Variants in CDH4 observed in about 807,000 individuals in gnomAD.
CDH4 encodes the protein cadherin-4.
In CDH4, 33 loss-of-function variants were observed where a neutral mutation model predicts 86.0. That is an observed-to-expected ratio of 0.38 (90% CI 0.29 to 0.51). The LOEUF is 0.51. Ranked by LOEUF, CDH4 falls within the 20% of genes least tolerant of loss-of-function variation. CDH4 has a pLI of 0.86. For synonymous variants in CDH4, 555 were observed against 549.4 expected, an observed-to-expected ratio of 1.01 and a Z score of -0.14; for missense variants, 1,114 against 1,307.4, an observed-to-expected ratio of 0.85 and a Z score of 2.28.
chr20:61,327,779 C>T (rs1450834965), intron 2 of CDH4, among the ~76,000 whole-genome samples: 2 of 152,176 alleles, frequency 1.3e-5, no homozygotes, highest in African/African-American at 4.8e-5. Context: ...GGGGTCTTCA[C>T]TGCAGGGCTA....
intron 5 of CDH4, among the ~76,000 whole-genome samples, chr20:61,846,648 G>A (rs1013724222): frequency 5.3e-5 from 8 of 152,144 alleles, no homozygotes; most frequent in East Asian, 1.9e-4. Flanking sequence ...GAGACTGACC[G>A]TGAGAAACAG....
Position 61,708,255 on chromosome 20 carries a change from G to A in CDH4, c.170-35308G>A, listed in dbSNP as rs993445541. ...CTGAGTGTAGCGTGGCCAGCAGGGG[G>A]TTGACTTTTACCCCGAACCAGATGT... is the stretch of plus-strand genomic sequence containing the variant. On this transcript the variant is annotated intron_variant, in intron 2 of 15. Transcript: ENST00000614565. This position sits in a 1 kb window ranked among gnomAD's most constrained non-coding sequence, Gnocchi z 4.5. 3.3e-5 allele frequency among the ~76,000 whole-genome samples: 5 copies of A among 152,136 alleles called. No homozygotes were observed. Among genetic ancestry groups the A allele is most frequent in the African/African-American group, 2.4e-5 (1 of 41,442 alleles).
chr20:61,731,282 C>T (rs777737393), intron 2 of CDH4, among the ~76,000 whole-genome samples: 17 of 152,218 alleles, frequency 1.1e-4, no homozygotes, highest in East Asian at 1.9e-4. Flanking sequence ...CCTCACCCCT[C>T]GGCCCCCCGG....
At chr20:61,282,343 C>T (rs113444794) in intron 2 of CDH4, among the ~76,000 whole-genome samples, 184 of 152,240 alleles carry the variant, frequency 1.2e-3, no homozygotes, top group African/African-American at 4.2e-3. Context: ...TGGGAGACAG[C>T]GTCAGACTCA....
chr20:61,265,030 C>T (rs1468973824), intron 2 of CDH4, among the ~76,000 whole-genome samples: 1 of 150,044 alleles, frequency 6.7e-6, no homozygotes, highest in Non-Finnish European at 1.5e-5. Flanking sequence ...CCCAGTGGCT[C>T]CTTCATTCAG....
At chr20:61,833,752 A>G (rs1981734508) in intron 4 of CDH4, among the ~76,000 whole-genome samples, 1 of 152,184 alleles carries the variant, frequency 6.6e-6, no homozygotes, top group African/African-American at 2.4e-5. Context: ...CTCGGCCATC[A>G]GCATCGAATT....
At chr20:61,436,204 A>C (rs1395686360) in intron 2 of CDH4, among the ~76,000 whole-genome samples, 1 of 152,096 alleles carries the variant, frequency 6.6e-6, no homozygotes, top group Admixed American at 6.5e-5. Context: ...TCTCTTAAGC[A>C]CCATCATGAT....
intron 4 of CDH4, among the ~76,000 whole-genome samples, chr20:61,778,430 T>A (rs1978362464): frequency 6.6e-6 from 1 of 152,130 alleles, no homozygotes; most frequent in Non-Finnish European, 1.5e-5. Flanking sequence ...ATTACAGGCT[T>A]TTTCCTTGGA....
At chr20:61,523,330 G>A (rs1029142730) in intron 2 of CDH4, among the ~76,000 whole-genome samples, 12 of 152,220 alleles carry the variant, frequency 7.9e-5, no homozygotes, top group East Asian at 1.9e-4. Flanking sequence ...TCTGCTCGCC[G>A]GTCTCTGCTC....
intron 2 of CDH4, among the ~76,000 whole-genome samples, chr20:61,566,835 T>TCCTCGGGGAGTTCTGG (rs1168644758): frequency 1.3e-5 from 2 of 151,748 alleles, no homozygotes; most frequent in African/African-American, 4.8e-5. Context: ...GGGCTGCGCC[T>TCCTCGGGGAGTTCTGG]CCTCGGGGAG....
rs530717249 is a variant in CDH4, at chr20:61,794,865, T to G, written c.576+21683T>G. On this transcript the variant is annotated intron_variant, in intron 4 of 15. Coordinates refer to ENST00000614565, the MANE Select transcript of CDH4 (RefSeq NM_001794.5). ...GTGGGCATTTTAGGATGTTCTTAAATGTAACTATGCGCCTTATAGGAAGAA... is the reference window on the plus strand; with the variant it reads ...GTGGGCATTTTAGGATGTTCTTAAAGGTAACTATGCGCCTTATAGGAAGAA... Among the ~76,000 whole-genome samples, 10 of 152,282 alleles carry G rather than the reference T, an allele frequency of 6.6e-5. No homozygotes were observed. The South Asian group carries it at 1.9e-3, about 28-fold the overall frequency.
At chr20:61,622,361 G>T (rs1320814026) in intron 2 of CDH4, among the ~76,000 whole-genome samples, 1 of 152,276 alleles carries the variant, frequency 6.6e-6, no homozygotes, top group Non-Finnish European at 1.5e-5. Flanking sequence ...GGGGCAGGTA[G>T]TTTGCTGAGA....
intron 2 of CDH4, among the ~76,000 whole-genome samples, chr20:61,298,577 ACT>A (rs1654955863): frequency 6.6e-6 from 1 of 151,714 alleles, no homozygotes; most frequent in Non-Finnish European, 1.5e-5. Flanking sequence ...AGGCCCTGGG[ACT>A]CTGTGTTTTT....
rs545938365 is a variant in CDH4 at position 61,828,194 on chromosome 20, A to C, written c.577-16474A>C. Among the ~76,000 whole-genome samples the C allele has an allele frequency of 9.8e-5, 15 of 152,312 alleles. No homozygotes were observed. In the East Asian group the frequency reaches 2.5e-3, roughly 25 times the overall value. On this transcript the variant is annotated intron_variant, in intron 4 of 15. Coordinates refer to ENST00000614565, the MANE Select transcript of CDH4 (RefSeq NM_001794.5). The stretch of plus-strand genomic sequence containing the variant: ...ATTAGTGGCTGCTAACCTCCCAAAA[A>C]ATTGATAAATAAAAGAGAGACAGTG...
intron 4 of CDH4, among the ~76,000 whole-genome samples, chr20:61,776,854 T>C (rs1231077471): frequency 6.6e-6 from 1 of 152,064 alleles, no homozygotes; most frequent in African/African-American, 2.4e-5. Flanking sequence ...CATGACCACG[T>C]CTAATTGTAA....
intron 2 of CDH4, among the ~76,000 whole-genome samples, chr20:61,548,663 T>C (rs1248937508): frequency 2.6e-5 from 4 of 152,148 alleles, no homozygotes; most frequent in Non-Finnish European, 5.9e-5. Flanking sequence ...AAAGCACCCA[T>C]TTTTAAGTAA....
intron 4 of CDH4, among the ~76,000 whole-genome samples, chr20:61,804,797 G>C (rs1980037685): frequency 6.6e-6 from 1 of 152,242 alleles, no homozygotes; most frequent in Non-Finnish European, 1.5e-5. Flanking sequence ...GTCTGGAGTA[G>C]AACAGTCAGG....
intron 2 of CDH4, among the ~76,000 whole-genome samples, chr20:61,479,981 T>A (rs2085560097): frequency 6.6e-6 from 1 of 152,186 alleles, no homozygotes; most frequent in Admixed American, 6.5e-5. Context: ...ATGAATCACA[T>A]TCTGTGTATT....
At chr20:61,386,079 T>C (rs1244998728) in intron 2 of CDH4, among the ~76,000 whole-genome samples, 1 of 152,190 alleles carries the variant, frequency 6.6e-6, no homozygotes, top group Non-Finnish European at 1.5e-5. Flanking sequence ...CCCCCTACCT[T>C]GAAGCCTGAG....
Sources: allele counts gnomAD v4.1 joint callset (sites outside exome capture counted in the v4.1 genomes callset), GRCh38; gene constraint gnomAD v4.1.1; non-coding constraint Gnocchi (gnomAD v3.1); transcripts MANE v1.5; gene names NCBI Gene and HGNC (gene_info 2026-07-23, HGNC 2026-07-21).